The following ZNF385D variants were observed in gnomAD, a reference collection of about 807,000 sequenced individuals.
ZNF385D encodes the protein zinc finger protein 385D, also known as zinc finger protein 659.
A neutral mutation model predicts 35.8 loss-of-function variants in ZNF385D; 15 were observed. That is an observed-to-expected ratio of 0.42 (90% confidence interval 0.28 to 0.64). The LOEUF (loss-of-function observed/expected upper bound fraction) is 0.64, where lower values mean the gene tolerates loss of function less well. Among genes scored for constraint, ZNF385D ranks in the 30% least tolerant of loss-of-function variants. The pLI, the probability that ZNF385D is intolerant of heterozygous loss-of-function variation, is 0.23. For missense variants in ZNF385D, 474 were observed against 494.6 expected (o/e 0.96, Z 0.39); for synonymous variants, 212 against 186.8 (o/e 1.13, Z -1.10).
chr3:21,627,246 G>GGGGTGTGT (rs372796308), intron 2 of ZNF385D, among the ~76,000 whole-genome samples: 2 of 139,424 alleles, frequency 1.4e-5, no homozygotes, highest in East Asian at 2.2e-4. Flanking sequence ...AGAGGTGTAG[G>GGGGTGTGT]GTGTGTGTGT....
At chr3:22,297,173 G>C (rs1045786958) in intron 2 of ZNF385D, among the ~76,000 whole-genome samples, 5 of 152,024 alleles carry the variant, frequency 3.3e-5, no homozygotes, top group African/African-American at 1.2e-4. Context: ...GGTACAGAAA[G>C]ACTGACTTGT....
intron 3 of ZNF385D, among the ~76,000 whole-genome samples, chr3:22,109,131 G>T (rs1702379449): frequency 6.6e-6 from 1 of 152,142 alleles, no homozygotes; most frequent in Admixed American, 6.6e-5. Context: ...TATTAGGGAA[G>T]GAAACCATAT....
rs528796728 is a variant in ZNF385D, at chr3:21,726,575, T to A, written c.22+24320A>T. 1.5e-4 allele frequency among the ~76,000 whole-genome samples: 23 copies of A among 152,210 alleles called. No individual in the cohort carries two copies. The East Asian group carries it at 3.1e-3, about 20-fold the overall frequency. On this transcript the variant is annotated intron_variant, in intron 1 of 7. Coordinates refer to ENST00000281523, the MANE Select transcript of ZNF385D (RefSeq NM_024697.3). ...ATCATGATTGAACTCTCATTCACAA[T>A]TGCTACTAAGATAATAAAATACCTA...
intron 4 of ZNF385D, among the ~76,000 whole-genome samples, chr3:21,487,107 A>G (rs1289358029): frequency 6.6e-6 from 1 of 152,126 alleles, no homozygotes; most frequent in African/African-American, 2.4e-5. Context: ...GCTCTGCTAT[A>G]TACTTTCACG....
intron 1 of ZNF385D, among the ~76,000 whole-genome samples, chr3:21,724,982 C>T (rs1415600889): frequency 6.6e-6 from 1 of 152,184 alleles, no homozygotes; most frequent in Non-Finnish European, 1.5e-5. Context: ...AACAAACAGT[C>T]TCTCAGACCA....
intron 3 of ZNF385D, among the ~76,000 whole-genome samples, chr3:22,103,124 A>G (rs12490860): frequency 0.39 from 58,849 of 151,538 alleles, 11,905 homozygotes; most frequent in African/African-American, 0.47. Flanking sequence ...TGTTAATTTA[A>G]TAAGATGGAT....
chr3:21,433,602 G>A (rs923263734), intron 5 of ZNF385D, among the ~76,000 whole-genome samples: 1 of 152,126 alleles, frequency 6.6e-6, no homozygotes, highest in Non-Finnish European at 1.5e-5. Flanking sequence ...GAGTTCTAAA[G>A]GTGGGGCATT....
chr3:21,585,192 T>C (rs1448392305), intron 2 of ZNF385D, among the ~76,000 whole-genome samples: 5 of 152,212 alleles, frequency 3.3e-5, no homozygotes, highest in African/African-American at 7.2e-5. Flanking sequence ...TAAAGGATTA[T>C]TGTTGCTCAT....
intron 2 of ZNF385D, among the ~76,000 whole-genome samples, chr3:21,657,959 C>A (rs1277484439): frequency 6.6e-6 from 1 of 151,828 alleles, no homozygotes; most frequent in Non-Finnish European, 1.5e-5. Context: ...GGAAAGAAGA[C>A]AAAGTGTGCC....
chr3:22,171,478 A>T (rs1484528551), intron 2 of ZNF385D, among the ~76,000 whole-genome samples: 1 of 152,228 alleles, frequency 6.6e-6, no homozygotes, highest in Non-Finnish European at 1.5e-5. Flanking sequence ...TTTTGTACTA[A>T]GTTGCAAAAA....
At chr3:21,459,398 C>T (rs1703026946) in intron 4 of ZNF385D, 1 of 152,046 alleles carries the variant, frequency 6.6e-6, no homozygotes, top group Admixed American at 6.6e-5. Flanking sequence ...CAATAAAGTA[C>T]TTATTATGTG....
intron 2 of ZNF385D, among the ~76,000 whole-genome samples, chr3:22,277,805 A>G (rs1458621389): frequency 6.6e-6 from 1 of 152,092 alleles, no homozygotes; most frequent in Non-Finnish European, 1.5e-5. Flanking sequence ...GCTGAGTCCT[A>G]AAGGATGGCT....
At position 22,269,759 on chromosome 3, in the gene ZNF385D, A is replaced by T. The variant is rs184646549; in HGVS notation, c.107-100724T>A. Among the ~76,000 whole-genome samples, 366 of 151,886 alleles carry T rather than the reference A, an allele frequency of 2.4e-3. 6 individuals carry two copies. The highest frequency in any genetic ancestry group is 8.3e-3 in the African/African-American group (343 of 41,482). On this transcript the variant is annotated intron_variant, in intron 2 of 5. Coordinates refer to the ZNF385D transcript ENST00000494108. Reference sequence around the variant, plus strand: ...AAAGAACAGTTAATATAACCTCCAAACACCACCCTATAGAATCATTTTTCT... The same window carrying T: ...AAAGAACAGTTAATATAACCTCCAATCACCACCCTATAGAATCATTTTTCT...
chr3:21,783,986 CTTT>C, intron 3 of ZNF385D, among the ~76,000 whole-genome samples: 1 of 152,006 alleles, frequency 6.6e-6, no homozygotes, highest in Non-Finnish European at 1.5e-5. Context: ...TTTTCTTTTC[CTTT>C]TTTTCAATCA....
intron 3 of ZNF385D, among the ~76,000 whole-genome samples, chr3:22,044,175 C>T (rs546437706): frequency 6.6e-6 from 1 of 150,394 alleles, no homozygotes; most frequent in South Asian, 2.1e-4. Context: ...TGGATAGTCA[C>T]AAAAGTACTC....
intron 3 of ZNF385D, among the ~76,000 whole-genome samples, chr3:21,796,207 A>T (rs75563866): frequency 0.017 from 2,540 of 152,306 alleles, 81 homozygotes; most frequent in African/African-American, 0.057. Flanking sequence ...GTAACTAATT[A>T]TCAGTCTTAA....
chr3:21,869,630 C>A (rs148054230), intron 3 of ZNF385D, among the ~76,000 whole-genome samples: 124 of 152,118 alleles, frequency 8.2e-4, no homozygotes, highest in Non-Finnish European at 1.4e-3. Flanking sequence ...CTAAGTGATG[C>A]AGTTAGAGGA....
chr3:21,811,637 T>C (rs747769657), intron 3 of ZNF385D, among the ~76,000 whole-genome samples: 1 of 152,202 alleles, frequency 6.6e-6, no homozygotes, highest in Non-Finnish European at 1.5e-5. Flanking sequence ...GCAGCTAGCA[T>C]TTATTTATCC....
chr3:21,975,656 G>A (rs1430755577), intron 3 of ZNF385D, among the ~76,000 whole-genome samples: 1 of 146,440 alleles, frequency 6.8e-6, no homozygotes, highest in Non-Finnish European at 1.5e-5. Context: ...TACCTCATGT[G>A]CCCTCTATGA....
Sources: gnomAD v4.1 joint callset for allele counts (sites outside exome capture counted in the v4.1 genomes callset) on GRCh38, gnomAD v4.1.1 for gene constraint, MANE v1.5 for transcripts, NCBI Gene and HGNC (gene_info 2026-07-23, HGNC 2026-07-21) for gene names.